GIN1: variants seen among roughly 807,000 people sequenced by gnomAD.
GIN1 encodes gypsy retrotransposon integrase 1.
GIN1 carries 41 observed loss-of-function variants against 51.4 expected under a neutral mutation model. The observed-to-expected ratio is 0.80, with a 90% CI of 0.62 to 1.04. GIN1 has a LOEUF of 1.04. Among genes scored for constraint, GIN1 ranks in the 50% least tolerant of loss-of-function variants. The pLI is 0.00. For missense variants in GIN1, 610 were observed against 612.4 expected, an observed-to-expected ratio of 1.00 and a Z score of 0.04; for synonymous variants, 222 against 206.5, an observed-to-expected ratio of 1.07 and a Z score of -0.64.
Position 103,108,626 on chromosome 5 carries a change from T to C in GIN1, c.82A>G (p.Thr28Ala), listed in dbSNP as rs371302288. ...YKRTGEYHST[T>A]LPSERSGIRR... is the part of the protein sequence containing the mutation. ...ATGCCACTTCTCTCACTTGGCAGTG[T>C]AGTTGAATGATATTCACCAGTTCGT... Residue 28 changes from threonine (T) to alanine (A), a missense_variant, in exon 2 of 8, where the codon ACA becomes GCA. By Grantham distance (58) the Thr-to-Ala change is moderately conservative. Transcript: ENST00000399004. The C allele has an allele frequency of 1.2e-6, 2 of 1,604,248 alleles. No homozygotes were observed. The highest frequency in any genetic ancestry group is 1.7e-6 in the Non-Finnish European group (2 of 1,172,084).
chr5:103,115,148 T>C (rs782709562), intron 1 of GIN1, among the ~76,000 whole-genome samples: 6 of 152,156 alleles, frequency 3.9e-5, no homozygotes, highest in Non-Finnish European at 5.9e-5. Context: ...AGTTACAACG[T>C]TGGAGACAGG....
intron 1 of GIN1, among the ~76,000 whole-genome samples, chr5:103,119,302 T>C (rs1488954617): frequency 6.6e-6 from 1 of 152,198 alleles, no homozygotes; most frequent in Non-Finnish European, 1.5e-5. Flanking sequence ...AATTCTGACA[T>C]TTGAATTATT....
chr5:103,090,712 A>G (rs192281862), intron 7 of GIN1, among the ~76,000 whole-genome samples: 39 of 152,326 alleles, frequency 2.6e-4, no homozygotes, highest in African/African-American at 8.2e-4. Context: ...TCTAGTAAAC[A>G]TATGTCAATA....
At position 103,108,642 on chromosome 5, in the gene GIN1, A is replaced by C. The variant is rs1787791914; in HGVS notation, c.66T>G (p.Gly22=). The C allele has an allele frequency of 6.2e-7, 1 of 1,604,520 alleles. No individual in the cohort carries two copies. The highest frequency in any genetic ancestry group is 8.5e-7 in the Non-Finnish European group (1 of 1,172,296). The change falls in exon 2 of 8, where the codon GGT becomes GGG. Residue 22 remains glycine, a synonymous_variant. Transcript: ENST00000399004. ...TTGGCAGTGTAGTTGAATGATATTCACCAGTTCGTTTGTAATATGCAATCT... is the reference window on the plus strand; with the variant it reads ...TTGGCAGTGTAGTTGAATGATATTCCCCAGTTCGTTTGTAATATGCAATCT... ...LKQIAYYKRT[G]EYHSTTLPSE...
chr5:103,106,495 T>C (rs1231063808), intron 3 of GIN1: 1 of 351,618 alleles, frequency 2.8e-6, no homozygotes, highest in African/African-American at 2.1e-5. Flanking sequence ...TAATCTCTTA[T>C]TTAAATATGG....
intron 7 of GIN1, among the ~76,000 whole-genome samples, chr5:103,094,794 A>G (rs1787346400): frequency 6.6e-6 from 1 of 152,216 alleles, no homozygotes; most frequent in Admixed American, 6.5e-5. Flanking sequence ...CTTGCAGAAG[A>G]GAGAGATCAT....
intron 1 of GIN1, among the ~76,000 whole-genome samples, chr5:103,117,581 T>TATATAC (rs5870042): frequency 6.7e-6 from 1 of 149,382 alleles, no homozygotes; most frequent in Non-Finnish European, 1.5e-5. Context: ...GAAAAAAATA[T>TATATAC]ACACACACAC....
chr5:103,086,303 C>T lies in GIN1; in HGVS notation c.*1595G>A, dbSNP rs1554193869. On this transcript the variant is annotated 3_prime_UTR_variant, in exon 8 of 8. Coordinates refer to ENST00000399004, the MANE Select transcript of GIN1 (RefSeq NM_017676.2). ...TGAAATATGATCTCAACTAATTACA[C>T]TTGCAACAACCTCATTTCCAAATAA... is the stretch of plus-strand genomic sequence containing the variant. The T allele has an allele frequency of 6.6e-6, 1 of 152,158 alleles. No homozygotes were observed. Among genetic ancestry groups the T allele is most frequent in the East Asian group, 1.9e-4 (1 of 5,198 alleles). The allele number at this position is 152,158 out of a possible 1,614,324, so 9.4% of individuals were successfully genotyped here.
Position 103,096,530 on chromosome 5 carries a change from C to T in GIN1, c.1294+11G>A. The T allele has an allele frequency of 2.5e-6, 4 of 1,569,594 alleles. No individual in the cohort carries two copies. The highest frequency in any genetic ancestry group is 3.5e-6 in the Non-Finnish European group (4 of 1,149,966). ...AAGCAATAAAAATGTAGAGAAGTGA[C>T]AGATATTTACCTTGTTCACTGGATT... On this transcript the variant is annotated intron_variant, in intron 7 of 7. Transcript: ENST00000399004.
At chr5:103,104,919 A>G in intron 3 of GIN1, 73 bp from the exon 4 acceptor site, 1 of 944,778 alleles carries the variant, frequency 1.1e-6, no homozygotes, top group South Asian at 1.7e-5. Context: ...CAGTCTTATA[A>G]ATCTGAATTT....
chr5:103,095,135 T>C (rs1787356417), intron 7 of GIN1, among the ~76,000 whole-genome samples: 1 of 152,224 alleles, frequency 6.6e-6, no homozygotes, highest in Non-Finnish European at 1.5e-5. Context: ...ATATAACTTG[T>C]TTATATTGTT....
At chr5:103,115,484 CAGAA>C (rs1233823331) in intron 1 of GIN1, among the ~76,000 whole-genome samples, 4 of 151,950 alleles carry the variant, frequency 2.6e-5, no homozygotes, top group African/African-American at 9.7e-5. Context: ...TACATACAGA[CAGAA>C]AGAATAATGA....
chr5:103,113,576 C>T (rs1320173110), intron 1 of GIN1, among the ~76,000 whole-genome samples: 8 of 148,062 alleles, frequency 5.4e-5, no homozygotes, highest in Admixed American at 3.4e-4. Flanking sequence ...GGCTGGAGTG[C>T]AGTGGCATGA....
At chr5:103,096,993 C>A (rs958785705) in intron 6 of GIN1, among the ~76,000 whole-genome samples, 167 bp from the exon 7 acceptor site, 2 of 152,186 alleles carry the variant, frequency 1.3e-5, no homozygotes, top group African/African-American at 4.8e-5. Context: ...GTATTATTAG[C>A]TCCTACTTTA....
rs1787404849 is a variant in GIN1, at chr5:103,096,724, A to G, written c.1111T>C (p.Leu371=). Residue 371 remains leucine, a synonymous_variant, in exon 7 of 8, where the codon TTA becomes CTA. Coordinates refer to ENST00000399004, the MANE Select transcript of GIN1 (RefSeq NM_017676.2). ...PFHLKVGHEV[L]RQRKNWWKDG... is the part of the protein sequence containing the mutation. ...TTCCACCAATTTTTCCTTTGTCTTAAAACTTCATGACCCACTTTTAAATGA... is the reference window on the plus strand; with the variant it reads ...TTCCACCAATTTTTCCTTTGTCTTAGAACTTCATGACCCACTTTTAAATGA... The G allele has an allele frequency of 6.2e-7, 1 of 1,613,750 alleles. No homozygotes were observed. Among genetic ancestry groups the G allele is most frequent in the African/African-American group, 1.3e-5 (1 of 74,906 alleles).
In GIN1 at chr5:103,088,140, C is replaced by T; in HGVS notation, c.1327G>A (p.Ala443Thr). ...GGCAATCCAATGTAGTCATGATCTG[C>T]CACTACTGAACCTTGCAAGAGATAA... Reference protein sequence around the residue: ...SLYLLQGSVVADHDYIGLPEI... With the variant: ...SLYLLQGSVVTDHDYIGLPEI... The change falls in exon 8 of 8, where the codon GCA becomes ACA. Residue 443 changes from alanine to threonine, a missense_variant. Transcript: ENST00000399004. The T allele has an allele frequency of 1.2e-6, 2 of 1,604,210 alleles. No individual in the cohort carries two copies. The highest frequency in any genetic ancestry group is 1.7e-6 in the Non-Finnish European group (2 of 1,173,790).
At chr5:103,103,551 T>C (rs1374329028) in intron 4 of GIN1, among the ~76,000 whole-genome samples, 2 of 152,234 alleles carry the variant, frequency 1.3e-5, no homozygotes, top group Non-Finnish European at 2.9e-5. Context: ...TTCTTAAACA[T>C]ATACCCTGTC....
At position 103,092,669 on chromosome 5, in the gene GIN1, G is replaced by A. The variant is rs971300062; in HGVS notation, c.1294+3872C>T. Among the ~76,000 whole-genome samples the A allele has an allele frequency of 9.5e-5, 13 of 137,416 alleles. No individual in the cohort carries two copies. The East Asian group carries it at 1.7e-3, about 18-fold the overall frequency. 90.2% of individuals were successfully genotyped at this position (137,416 alleles called of 152,430 possible). A position where few individuals can be genotyped will look rare whatever the true frequency, so the allele number is the denominator to read the frequency against. On this transcript the variant is annotated intron_variant, in intron 7 of 7. Transcript: ENST00000399004. The stretch of plus-strand genomic sequence containing the variant: ...TGGTTAAGAAATTATATAACTGGAC[G>A]GGCACAATGGCTCACACTTGTAATT...
At chr5:103,097,546 A>G in intron 5 of GIN1, 44 bp downstream of exon 5, 2 of 1,498,984 alleles carry the variant, frequency 1.3e-6, no homozygotes, top group Non-Finnish European at 1.8e-6. Flanking sequence ...CTGGCCAAGA[A>G]ATAGTCATAA....
Sources: gnomAD v4.1 joint callset for allele counts (sites outside exome capture counted in the v4.1 genomes callset) on GRCh38, gnomAD v4.1.1 for gene constraint, MANE v1.5 for transcripts, NCBI Gene and HGNC (gene_info 2026-07-23, HGNC 2026-07-21) for gene names.